SYT9: variants seen among roughly 807,000 people sequenced by gnomAD.
SYT9 encodes synaptotagmin-9.
In SYT9, 22 loss-of-function variants were observed where a neutral mutation model predicts 48.4. The observed-to-expected ratio is 0.45, with a 90% CI of 0.32 to 0.65. The LOEUF (loss-of-function observed/expected upper bound fraction) is 0.65, where lower values mean the gene tolerates loss of function less well. Ranked by LOEUF, SYT9 falls within the 30% of genes least tolerant of loss-of-function variation. The probability of loss-of-function intolerance (pLI) is 0.03; values close to 1 mark genes in which losing one functional copy is unlikely to be tolerated. For missense variants in SYT9, 577 were observed against 622.0 expected (o/e 0.93, Z 0.77); for synonymous variants, 265 against 245.0 (o/e 1.08, Z -0.76).
chr11:7,301,581 AT>A (rs1400117398), intron 1 of SYT9, among the ~76,000 whole-genome samples: 1 of 152,172 alleles, frequency 6.6e-6, no homozygotes, highest in East Asian at 1.9e-4. Context: ...CTAATTTCTA[AT>A]TTTCTCCTTC....
intron 6 of SYT9, among the ~76,000 whole-genome samples, chr11:7,428,241 T>C (rs1452938633): frequency 6.6e-6 from 1 of 152,230 alleles, no homozygotes; most frequent in Non-Finnish European, 1.5e-5. Flanking sequence ...GAAAGTCAAC[T>C]GCATCTTGAC....
intron 3 of SYT9, among the ~76,000 whole-genome samples, chr11:7,349,458 A>C (rs1313206041): frequency 6.6e-6 from 1 of 152,054 alleles, no homozygotes; most frequent in East Asian, 1.9e-4. Flanking sequence ...ACAACAGAGA[A>C]AGGCGCAGGC....
At chr11:7,332,249 G>T (rs775704890) in intron 3 of SYT9, among the ~76,000 whole-genome samples, 2 of 152,198 alleles carry the variant, frequency 1.3e-5, no homozygotes, top group Non-Finnish European at 2.9e-5. Context: ...CTGAGACGAG[G>T]GGGCCGCCGT....
At chr11:7,302,492 G>T (rs2133936115) in intron 1 of SYT9, among the ~76,000 whole-genome samples, 1 of 152,298 alleles carries the variant, frequency 6.6e-6, no homozygotes, top group East Asian at 1.9e-4. Flanking sequence ...TCTTGAAGCT[G>T]CAAAATTCAC....
intron 3 of SYT9, among the ~76,000 whole-genome samples, chr11:7,400,372 C>CA (rs945992773): frequency 6.6e-6 from 1 of 152,050 alleles, no homozygotes; most frequent in African/African-American, 2.4e-5. Flanking sequence ...CTTACATATG[C>CA]AAAAAATATA....
At chr11:7,431,437 C>T (rs12274292) in intron 6 of SYT9, among the ~76,000 whole-genome samples, 11,188 of 152,222 alleles carry the variant, frequency 0.073, 615 homozygotes, top group Non-Finnish European at 0.12. Context: ...TGCAGCCTAC[C>T]GTGTGGCAGT....
At chr11:7,292,315 A>G (rs939158343) in intron 1 of SYT9, among the ~76,000 whole-genome samples, 3 of 152,186 alleles carry the variant, frequency 2.0e-5, no homozygotes, top group Non-Finnish European at 4.4e-5. Flanking sequence ...AAGTGTAAAG[A>G]TTTGAGCCAA....
At chr11:7,251,075 T>C (rs1025770909), upstream of SYT9, among the ~76,000 whole-genome samples, 1 of 150,224 alleles carries the variant, frequency 6.7e-6, no homozygotes, top group African/African-American at 2.5e-5. Flanking sequence ...TGAGATTATG[T>C]ACCTAAAAGG....
intron 5 of SYT9, among the ~76,000 whole-genome samples, chr11:7,419,694 C>T (rs1374884863): frequency 2.0e-5 from 3 of 152,000 alleles, no homozygotes; most frequent in East Asian, 1.9e-4. Context: ...GTTAGGAGTT[C>T]GAGACCAGCC....
At chr11:7,368,763 A>G (rs1428730799) in intron 3 of SYT9, among the ~76,000 whole-genome samples, 2 of 152,112 alleles carry the variant, frequency 1.3e-5, no homozygotes, top group Non-Finnish European at 2.9e-5. Context: ...TCAGTCTATC[A>G]TTGATGGGCA....
chr11:7,340,704 G>A (rs1040970770), intron 3 of SYT9, among the ~76,000 whole-genome samples: 2 of 152,186 alleles, frequency 1.3e-5, no homozygotes, highest in African/African-American at 2.4e-5. Context: ...TCTAGAGCCT[G>A]GAGACAGCAA....
At chr11:7,248,615 T>C (rs1172767064), upstream of SYT9, among the ~76,000 whole-genome samples, 1 of 151,902 alleles carries the variant, frequency 6.6e-6, no homozygotes. Context: ...CTTAGGAATA[T>C]ACCTAAACAA....
chr11:7,251,747 C>A (rs1302606366), upstream of SYT9, among the ~76,000 whole-genome samples: 1 of 152,108 alleles, frequency 6.6e-6, no homozygotes, highest in Non-Finnish European at 1.5e-5. Flanking sequence ...GCTCTGGGCG[C>A]GAGGTCCCAA....
intron 1 of SYT9, among the ~76,000 whole-genome samples, chr11:7,286,409 G>T (rs565518181): frequency 2.0e-5 from 3 of 152,170 alleles, no homozygotes; most frequent in Non-Finnish European, 4.4e-5. Context: ...CAGCAGGGGG[G>T]GCCCAGGACC....
intron 3 of SYT9, among the ~76,000 whole-genome samples, chr11:7,340,357 G>A (rs556441325): frequency 6.6e-6 from 1 of 152,136 alleles, no homozygotes; most frequent in Non-Finnish European, 1.5e-5. Flanking sequence ...TTCTATTTCT[G>A]TCATTTCAGA....
chr11:7,277,608 A>G (rs1378015424), intron 1 of SYT9, among the ~76,000 whole-genome samples: 1 of 152,240 alleles, frequency 6.6e-6, no homozygotes, highest in Non-Finnish European at 1.5e-5. Flanking sequence ...TTTTATTATA[A>G]AGTGTATTAT....
At chr11:7,339,333 G>A (rs1849678049) in intron 3 of SYT9, among the ~76,000 whole-genome samples, 1 of 151,870 alleles carries the variant, frequency 6.6e-6, no homozygotes, top group South Asian at 2.1e-4. Flanking sequence ...TTTTAAATGG[G>A]GCACGTAATC....
chr11:7,300,207 C>CAGTTGT (rs1293220577), intron 1 of SYT9, among the ~76,000 whole-genome samples: 2 of 151,740 alleles, frequency 1.3e-5, no homozygotes, highest in African/African-American at 4.9e-5. Context: ...ATCTGTGGAT[C>CAGTTGT]AGCTGTAGCT....
At chr11:7,380,355 C>G (rs908337564) in intron 3 of SYT9, among the ~76,000 whole-genome samples, 1 of 152,020 alleles carries the variant, frequency 6.6e-6, no homozygotes, top group African/African-American at 2.4e-5. Context: ...TGAATAAGAC[C>G]TACTATTCGA....
Sources: gnomAD v4.1 joint callset for allele counts (sites outside exome capture counted in the v4.1 genomes callset) on GRCh38, gnomAD v4.1.1 for gene constraint, MANE v1.5 for transcripts, NCBI Gene and HGNC (gene_info 2026-07-23, HGNC 2026-07-21) for gene names.